Variants in HPSE2 observed in about 807,000 individuals in gnomAD.
HPSE2 encodes heparanase 2 (inactive).
A neutral mutation model predicts 60.5 loss-of-function variants in HPSE2; 38 were observed. The observed-to-expected ratio is 0.63, with a 90% confidence interval of 0.48 to 0.82. The LOEUF (loss-of-function observed/expected upper bound fraction) is 0.82. Ranked by LOEUF, HPSE2 falls within the 40% of genes least tolerant of loss-of-function variation. The pLI, the probability that HPSE2 is intolerant of heterozygous loss-of-function variation, is 0.00. For synonymous variants in HPSE2, 295 were observed against 293.2 expected (o/e 1.01, Z -0.06); for missense variants, 713 against 740.4 (o/e 0.96, Z 0.43).
intron 3 of HPSE2, among the ~76,000 whole-genome samples, chr10:99,007,177 T>C (rs1956913958): frequency 6.6e-6 from 1 of 152,128 alleles, no homozygotes; most frequent in African/African-American, 2.4e-5. Flanking sequence ...CGGGTAGACC[T>C]GGAGTGTAGA....
chr10:98,766,841 C>G (rs1950130004), intron 3 of HPSE2, among the ~76,000 whole-genome samples: 1 of 152,102 alleles, frequency 6.6e-6, no homozygotes, highest in African/African-American at 2.4e-5. Context: ...GGGAGGATCA[C>G]CTGAGCCTGG....
At position 98,531,209 on chromosome 10, in the gene HPSE2, A is replaced by G. The variant is rs188831461; in HGVS notation, c.1321-41013T>C. Among the ~76,000 whole-genome samples, 932 of 152,346 alleles carry G rather than the reference A, an allele frequency of 6.1e-3. 5 individuals are homozygous for G. Among genetic ancestry groups the G allele is most frequent in the Non-Finnish European group, 9.3e-3 (633 of 68,030 alleles). Reference sequence around the variant, plus strand: ...ATGGAAATACAGGGAGCACAGAGGTAGGAACAATGGATTCTGACAAAAGAA... The same window carrying G: ...ATGGAAATACAGGGAGCACAGAGGTGGGAACAATGGATTCTGACAAAAGAA... On this transcript the variant is annotated intron_variant, in intron 9 of 11. Coordinates refer to ENST00000370552, the MANE Select transcript of HPSE2 (RefSeq NM_021828.5).
chr10:99,026,128 T>C (rs1957371925), intron 3 of HPSE2, among the ~76,000 whole-genome samples: 1 of 151,976 alleles, frequency 6.6e-6, no homozygotes, highest in South Asian at 2.1e-4. Context: ...TATTTATCAA[T>C]AATAATATTT....
rs372726785 is a variant in HPSE2 at position 99,001,791 on chromosome 10, TA to T, written c.610+142446del. On this transcript the variant is annotated intron_variant, in intron 3 of 11. Coordinates refer to ENST00000370552, the MANE Select transcript of HPSE2 (RefSeq NM_021828.5). ...AAAAATATGACATAAATTTGAATCT[TA>T]AAATCCTAGAAATTATAATCCATCA... 3.4e-4 allele frequency among the ~76,000 whole-genome samples: 51 copies of T among 152,196 alleles called. No individual in the cohort carries two copies. The East Asian group carries it at 7.9e-3, about 24-fold the overall frequency.
At chr10:99,021,336 T>C (rs1957257852) in intron 3 of HPSE2, among the ~76,000 whole-genome samples, 1 of 152,162 alleles carries the variant, frequency 6.6e-6, no homozygotes, top group Non-Finnish European at 1.5e-5. Context: ...CTAAAATTAT[T>C]ACTCTTATTT....
intron 3 of HPSE2, among the ~76,000 whole-genome samples, chr10:99,139,580 T>C (rs1589719385): frequency 6.6e-6 from 1 of 152,320 alleles, no homozygotes; most frequent in Middle Eastern, 3.4e-3. Flanking sequence ...ATGTTTACTA[T>C]ATTTATTACT....
chr10:98,720,489 T>C (rs1405432822), intron 5 of HPSE2, among the ~76,000 whole-genome samples: 1 of 152,132 alleles, frequency 6.6e-6, no homozygotes, highest in Non-Finnish European at 1.5e-5. Context: ...GCTATAGATA[T>C]TAGGGAAAAA....
At chr10:98,948,026 C>G (rs1343077840) in intron 3 of HPSE2, among the ~76,000 whole-genome samples, 2 of 152,032 alleles carry the variant, frequency 1.3e-5, no homozygotes, top group Non-Finnish European at 2.9e-5. Flanking sequence ...ATCAAGGGGT[C>G]ATAAGGACCA....
chr10:99,296,524 C>T, the HPSE2 span, among the ~76,000 whole-genome samples: 1 of 152,252 alleles, frequency 6.6e-6, no homozygotes, highest in African/African-American at 2.4e-5. Context: ...AGCTGCTACT[C>T]TCTTGCCTAC....
At chr10:99,068,667 C>G (rs1842690401) in intron 3 of HPSE2, among the ~76,000 whole-genome samples, 1 of 151,928 alleles carries the variant, frequency 6.6e-6, no homozygotes, top group African/African-American at 2.4e-5. Flanking sequence ...AGAAAAGCAA[C>G]AGAAAAACAA....
At chr10:98,630,346 C>T (rs180837758) in intron 7 of HPSE2, among the ~76,000 whole-genome samples, 1,713 of 152,024 alleles carry the variant, frequency 0.011, 42 homozygotes, top group African/African-American at 0.039. Flanking sequence ...TACAGGCGCC[C>T]GCCACCACGC....
chr10:98,566,237 A>G (rs1047400565), intron 9 of HPSE2, among the ~76,000 whole-genome samples: 20 of 152,230 alleles, frequency 1.3e-4, no homozygotes, highest in Non-Finnish European at 2.9e-5. Context: ...AACGTAAGCT[A>G]TATAGAGAAA....
intron 7 of HPSE2, among the ~76,000 whole-genome samples, chr10:98,628,522 ACTGT>A (rs1946276512): frequency 6.6e-6 from 1 of 152,180 alleles, no homozygotes; most frequent in South Asian, 2.1e-4. Context: ...TAAGGGATAC[ACTGT>A]CTGGGGAGTA....
At chr10:98,500,919 C>T (rs916351728) in intron 9 of HPSE2, among the ~76,000 whole-genome samples, 6 of 152,020 alleles carry the variant, frequency 3.9e-5, no homozygotes, top group Non-Finnish European at 5.9e-5. Flanking sequence ...CTTGTGAACA[C>T]CTTTATGCAC....
intron 6 of HPSE2, among the ~76,000 whole-genome samples, chr10:98,644,678 G>A (rs971335107): frequency 1.1e-4 from 17 of 152,232 alleles, no homozygotes; most frequent in African/African-American, 4.1e-4. Flanking sequence ...TCTAATTGAC[G>A]AAAAGCTCTT....
chr10:99,217,762 AT>A (rs1849180847), intron 2 of HPSE2, among the ~76,000 whole-genome samples: 1 of 151,934 alleles, frequency 6.6e-6, no homozygotes, highest in South Asian at 2.1e-4. Flanking sequence ...CTAACTTTTT[AT>A]TTTGTAGAGA....
rs1031364444 is a variant in HPSE2, at chr10:98,701,701, C to T, written c.957-7754G>A. Among the ~76,000 whole-genome samples, 5 of 151,794 alleles carry T rather than the reference C, an allele frequency of 3.3e-5. No individual in the cohort carries two copies. The South Asian group carries it at 1.0e-3, about 32-fold the overall frequency. On this transcript the variant is annotated intron_variant, in intron 5 of 11. Coordinates refer to ENST00000370552, the MANE Select transcript of HPSE2 (RefSeq NM_021828.5). Reference sequence around the variant, plus strand: ...TTTAAACCCAGAATTTCAAATCCAGCCAAACTAAGCTTCATAAATGAAGGA... The same window carrying T: ...TTTAAACCCAGAATTTCAAATCCAGTCAAACTAAGCTTCATAAATGAAGGA...
chr10:99,120,181 T>C (rs527730429), intron 3 of HPSE2, among the ~76,000 whole-genome samples: 3 of 152,210 alleles, frequency 2.0e-5, no homozygotes, highest in South Asian at 2.1e-4. Context: ...AAGAAAATAT[T>C]TGCAAACTAT....
At chr10:98,974,559 C>T (rs1589448413) in intron 3 of HPSE2, among the ~76,000 whole-genome samples, 1 of 152,232 alleles carries the variant, frequency 6.6e-6, no homozygotes, top group East Asian at 1.9e-4. Flanking sequence ...AGCCACTGCA[C>T]CCGGCCTAGT....
Sources: allele counts gnomAD v4.1 joint callset (sites outside exome capture counted in the v4.1 genomes callset), GRCh38; gene constraint gnomAD v4.1.1; transcripts MANE v1.5; gene names NCBI Gene and HGNC (gene_info 2026-07-23, HGNC 2026-07-21).